The following PRDM6 variants were observed in gnomAD, a reference collection of about 807,000 sequenced individuals.
The protein encoded by PRDM6 is putative histone-lysine N-methyltransferase PRDM6.
A neutral mutation model predicts 60.8 loss-of-function variants in PRDM6; 25 were observed. That is an observed-to-expected ratio of 0.41 (90% confidence interval 0.30 to 0.57). The LOEUF is 0.57. PRDM6 is among the 20% of genes least tolerant of loss of function. PRDM6 has a pLI of 0.27. For synonymous variants in PRDM6, 407 were observed against 357.4 expected (o/e 1.14, Z -1.57); for missense variants, 839 against 821.3 (o/e 1.02, Z -0.26).
intron 6 of PRDM6, among the ~76,000 whole-genome samples, chr5:123,177,216 G>T (rs1766034795): frequency 6.6e-6 from 1 of 152,082 alleles, no homozygotes; most frequent in South Asian, 2.1e-4. Context: ...ATTACTTTTT[G>T]ATCATTTTCT....
chr5:123,127,678 T>C (rs1443842190), intron 3 of PRDM6, among the ~76,000 whole-genome samples: 1 of 150,202 alleles, frequency 6.7e-6, no homozygotes, highest in Non-Finnish European at 1.5e-5. Context: ...AGGGATTTCT[T>C]CTTTCTTTCT....
At chr5:123,110,548 G>A (rs577167681) in intron 3 of PRDM6, among the ~76,000 whole-genome samples, 106 of 149,516 alleles carry the variant, frequency 7.1e-4, no homozygotes, top group South Asian at 3.8e-3. Flanking sequence ...CACTGCACCC[G>A]GCCTACTTTT....
At chr5:123,157,898 C>T (rs1049072828) in intron 4 of PRDM6, among the ~76,000 whole-genome samples, 5 of 152,296 alleles carry the variant, frequency 3.3e-5, no homozygotes, top group African/African-American at 7.2e-5. Context: ...TGCGTTGGGA[C>T]GCCATGAAGC....
At position 123,191,834 on chromosome 5, in the gene PRDM6, GGCCAGACA is replaced by G. The variant is rs1352276283; in HGVS notation, c.*4635_*4642del. The G allele has an allele frequency of 6.6e-6, 1 of 152,122 alleles. No homozygotes were observed. Among genetic ancestry groups the G allele is most frequent in the Non-Finnish European group, 1.5e-5 (1 of 68,028 alleles). The allele number at this position is 152,122 out of a possible 1,614,324, so 9.4% of individuals were successfully genotyped here. On this transcript the variant is annotated 3_prime_UTR_variant, in exon 8 of 8. Transcript: ENST00000407847. ...CAGAGATCAGCTGTCAGGTACAACT[GGCCAGACA>G]GAGCCAAACTGAAAAGAATATTGCT...
intron 3 of PRDM6, among the ~76,000 whole-genome samples, chr5:123,146,725 G>C (rs1195837256): frequency 6.6e-6 from 1 of 152,130 alleles, no homozygotes; most frequent in Non-Finnish European, 1.5e-5. Flanking sequence ...GATGCCAAGG[G>C]CTGAGGTCTA....
At chr5:123,175,457 T>C (rs1765983698) in intron 6 of PRDM6, among the ~76,000 whole-genome samples, 1 of 152,214 alleles carries the variant, frequency 6.6e-6, no homozygotes, top group Non-Finnish European at 1.5e-5. Context: ...AATAGTTTCT[T>C]AGAATGTATC....
At chr5:123,157,799 G>A (rs868096995) in intron 4 of PRDM6, among the ~76,000 whole-genome samples, 8 of 152,180 alleles carry the variant, frequency 5.3e-5, no homozygotes, top group Non-Finnish European at 7.3e-5. Flanking sequence ...TTTCTTCAAA[G>A]CACACTTGAT....
At chr5:123,171,954 T>C (rs763195851) in intron 6 of PRDM6, among the ~76,000 whole-genome samples, 2 of 152,208 alleles carry the variant, frequency 1.3e-5, no homozygotes, top group Non-Finnish European at 2.9e-5. Context: ...CTCCTTCATG[T>C]TCTATGAAAA....
chr5:123,189,599 G>A lies in PRDM6; in HGVS notation c.*2398G>A, dbSNP rs776741723. ...CTCCAAAACACTCTTCTAGTGTTCT[G>A]CTCCATTTAAATCTATTTTTATCCT... On this transcript the variant is annotated 3_prime_UTR_variant, in exon 8 of 8. Coordinates refer to ENST00000407847, the MANE Select transcript of PRDM6 (RefSeq NM_001136239.4). 1.3e-5 allele frequency: 2 copies of A among 152,146 alleles called. No homozygotes were observed. The highest frequency in any genetic ancestry group is 2.1e-4 in the South Asian group (1 of 4,826). The allele number at this position is 152,146 out of a possible 1,614,324, so 9.4% of individuals were successfully genotyped here.
chr5:123,119,459 C>G (rs111535657), intron 3 of PRDM6, among the ~76,000 whole-genome samples: 48 of 152,288 alleles, frequency 3.2e-4, no homozygotes, highest in African/African-American at 1.1e-3. Context: ...TACAGTCCTG[C>G]CACCTTCAGG....
chr5:123,090,169 C>G lies in PRDM6; in HGVS notation c.155C>G (p.Pro52Arg). ...CTGAGCGCGCCGCAGCCTCTTCAGC[C>G]GCCGCCGCCGCCCCCGCCCCCGGAG... ...GLLSAPQPLQ[P>R]PPPPPPPERA... Residue 52 changes from proline to arginine, a missense_variant, in exon 2 of 8, where the codon CCG (proline) becomes CGG (arginine). By Grantham distance (103) the Pro-to-Arg change is moderately radical. This residue lies in a region of PRDM6 where 730 missense variants were observed against 648.8 expected (regional missense o/e 1.13). Coordinates refer to ENST00000407847, the MANE Select transcript of PRDM6 (RefSeq NM_001136239.4). 7 of 1,417,962 alleles carry G rather than the reference C, an allele frequency of 4.9e-6. No homozygotes were observed. The highest frequency in any genetic ancestry group is 6.6e-6 in the Non-Finnish European group (7 of 1,062,954). The allele number at this position is 1,417,962 out of a possible 1,614,324, so 87.8% of individuals were successfully genotyped here.
At position 123,113,662 on chromosome 5, in the gene PRDM6, A is replaced by T. The variant is rs145095040; in HGVS notation, c.900+13701A>T. 1.1e-3 allele frequency among the ~76,000 whole-genome samples: 169 copies of T among 152,146 alleles called. 3 individuals carry two copies. The East Asian group carries it at 0.026, about 24-fold the overall frequency. Reference sequence around the variant, plus strand: ...TCTTTGCTTTCTGCCCCTTCTCACTATCTGGCCTGTACTCCCATTAAATTA... The same window carrying T: ...TCTTTGCTTTCTGCCCCTTCTCACTTTCTGGCCTGTACTCCCATTAAATTA... On this transcript the variant is annotated intron_variant, in intron 3 of 7. Transcript: ENST00000407847.
At chr5:123,186,981 C>G (rs1766302074) in intron 7 of PRDM6, 106 bp from the exon 8 acceptor site, 3 of 819,662 alleles carry the variant, frequency 3.7e-6, no homozygotes, top group Non-Finnish European at 5.9e-6. Flanking sequence ...CTGGTAAAAT[C>G]TGAAGCCACT....
intron 3 of PRDM6, among the ~76,000 whole-genome samples, chr5:123,149,065 T>C (rs781720712): frequency 1.1e-4 from 17 of 152,268 alleles, no homozygotes; most frequent in Admixed American, 2.0e-4. Flanking sequence ...CGAATATGTA[T>C]GACTTGGTCA....
chr5:123,193,541 A>G lies in PRDM6; in HGVS notation c.*6340A>G, dbSNP rs2041209201. The G allele has an allele frequency of 6.6e-6, 1 of 152,314 alleles. No homozygotes were observed. Among genetic ancestry groups the G allele is most frequent in the South Asian group, 2.1e-4 (1 of 4,826 alleles). 9.4% of individuals were successfully genotyped at this position (152,314 alleles called of 1,614,324 possible). On this transcript the variant is annotated 3_prime_UTR_variant, in exon 8 of 8. Transcript: ENST00000407847. ...TCCCAACCTGGAGAAAATGTATAGCAAAAGCCAGAGGCAAAATTATTCTCC... is the reference window on the plus strand; with the variant it reads ...TCCCAACCTGGAGAAAATGTATAGCGAAAGCCAGAGGCAAAATTATTCTCC...
At chr5:123,143,148 A>AGTGTGTGTGTGTGTGTGTGTGTGTGTGT (rs139092433) in intron 3 of PRDM6, among the ~76,000 whole-genome samples, 16 of 145,870 alleles carry the variant, frequency 1.1e-4, no homozygotes, top group African/African-American at 2.3e-4. Context: ...TAGTTTTTAA[A>AGTGTGTGTGTGTGTGTGTGTGTGTGTGT]GTGTGTGTGT....
chr5:123,164,444 T>C (rs1171950059), intron 5 of PRDM6, among the ~76,000 whole-genome samples: 1 of 152,210 alleles, frequency 6.6e-6, no homozygotes, highest in Non-Finnish European at 1.5e-5. Context: ...AGTCACACTC[T>C]AAAACCTAGC....
intron 3 of PRDM6, among the ~76,000 whole-genome samples, chr5:123,147,859 A>G (rs1313042328): frequency 6.6e-6 from 1 of 152,256 alleles, no homozygotes; most frequent in Non-Finnish European, 1.5e-5. Flanking sequence ...GGCAGGCTTC[A>G]TATCGACGGC....
At chr5:123,101,786 A>G (rs1350098304) in intron 3 of PRDM6, among the ~76,000 whole-genome samples, 1 of 152,260 alleles carries the variant, frequency 6.6e-6, no homozygotes, top group Non-Finnish European at 1.5e-5. Context: ...GCCACTACAC[A>G]TATAGACTAT....
Sources: gnomAD v4.1 joint callset for allele counts (sites outside exome capture counted in the v4.1 genomes callset) on GRCh38, gnomAD v4.1.1 for gene constraint, gnomAD v4.1.1 regional missense constraint, MANE v1.5 for transcripts, NCBI Gene and HGNC (gene_info 2026-07-23, HGNC 2026-07-21) for gene names.